The following RORC variants were observed in gnomAD, a reference collection of about 807,000 sequenced individuals.
RORC encodes nuclear receptor ROR-gamma.
RORC carries 13 observed loss-of-function variants against 64.5 expected under a neutral mutation model. The ratio of observed to expected loss-of-function variants is 0.20; its 90% CI spans 0.13 to 0.32. The LOEUF is 0.32. Among genes scored for constraint, RORC ranks in the 10% least tolerant of loss-of-function variants. The pLI, the probability that RORC is intolerant of heterozygous loss-of-function variation, is 1.00. For missense variants in RORC, 468 were observed against 669.5 expected, an observed-to-expected ratio of 0.70 and a Z score of 3.32; for synonymous variants, 277 against 259.3, an observed-to-expected ratio of 1.07 and a Z score of -0.65.
At chr1:151,814,786 C>T in intron 5 of RORC, 91 bp from the exon 6 acceptor site, 4 of 1,545,066 alleles carry the variant, frequency 2.6e-6, no homozygotes, top group South Asian at 2.5e-5. Flanking sequence ...CTATCCTGCT[C>T]CGCCTCCTCC....
At chr1:151,828,957 C>T (rs1384092437) in intron 2 of RORC, among the ~76,000 whole-genome samples, 4 of 145,058 alleles carry the variant, frequency 2.8e-5, no homozygotes, top group South Asian at 2.3e-4. Context: ...CCCGCCCAGG[C>T]GACAGTGTGA....
intron 2 of RORC, among the ~76,000 whole-genome samples, chr1:151,824,171 C>A (rs1652101567): frequency 6.6e-6 from 1 of 152,144 alleles, no homozygotes; most frequent in Non-Finnish European, 1.5e-5. Context: ...GTGGTTGGCA[C>A]TCATTGGGGT....
chr1:151,823,468 C>A (rs1652071525), intron 2 of RORC, among the ~76,000 whole-genome samples: 1 of 152,194 alleles, frequency 6.6e-6, no homozygotes, highest in South Asian at 2.1e-4. Flanking sequence ...TGGCAGGGTG[C>A]TGGTGCCATC....
At chr1:151,817,112 CTG>C (rs151171878) in intron 3 of RORC, 81 bp downstream of exon 3, 24 of 641,322 alleles carry the variant, frequency 3.7e-5, no homozygotes, top group South Asian at 2.8e-4. Context: ...TAAGGAGACA[CTG>C]TGTGTGTGTG....
chr1:151,811,500 G>T, intron 9 of RORC, 66 bp from the exon 10 acceptor site: 2 of 997,794 alleles, frequency 2.0e-6, no homozygotes, highest in Non-Finnish European at 3.1e-6. Flanking sequence ...CCAACAAAAG[G>T]GTGTATCTTT....
chr1:151,826,419 A>C (rs1298359886), intron 2 of RORC, among the ~76,000 whole-genome samples: 1 of 152,098 alleles, frequency 6.6e-6, no homozygotes, highest in Non-Finnish European at 1.5e-5. Context: ...TTGCCAGGTG[A>C]CTTCAGGGAC....
intron 4 of RORC, among the ~76,000 whole-genome samples, chr1:151,815,797 G>A (rs901948984): frequency 2.0e-5 from 3 of 152,208 alleles, no homozygotes; most frequent in Non-Finnish European, 4.4e-5. Context: ...GCCTCTTTGG[G>A]AGGGTCGGAG....
chr1:151,807,578 T>G lies in RORC; in HGVS notation c.1451A>C (p.Gln484Pro). The change falls in exon 11 of 11, where the codon CAG (glutamine) becomes CCG (proline). Residue 484 changes from glutamine (Q) to proline (P), a missense_variant. Transcript: ENST00000318247. This position sits in a 1 kb window ranked among gnomAD's most constrained non-coding sequence, Gnocchi z 5.0. ...SLCSQHVERL[Q>P]IFQHLHPIVV... is the part of the protein sequence containing the mutation. ...GATGGGGTGGAGGTGCTGGAAGATC[T>G]GCAGCCTTTCCACATGCTGGCTACA... The G allele has an allele frequency of 6.2e-7, 1 of 1,614,040 alleles. No individual in the cohort carries two copies.
intron 2 of RORC, among the ~76,000 whole-genome samples, chr1:151,824,223 G>A (rs1652103894): frequency 6.6e-6 from 1 of 152,172 alleles, no homozygotes; most frequent in Non-Finnish European, 1.5e-5. Flanking sequence ...ATGTCCAAGT[G>A]AGAAGGACCA....
At chr1:151,809,294 T>G (rs1181309139) in intron 10 of RORC, among the ~76,000 whole-genome samples, 1 of 152,140 alleles carries the variant, frequency 6.6e-6, no homozygotes, top group Non-Finnish European at 1.5e-5. Flanking sequence ...CTCAGGAGGC[T>G]GAGGCAGGAC....
chr1:151,821,222 C>T (rs982296544), intron 2 of RORC, among the ~76,000 whole-genome samples: 1 of 152,144 alleles, frequency 6.6e-6, no homozygotes, highest in African/African-American at 2.4e-5. Flanking sequence ...GTCCAGGTGC[C>T]CTATGCCACA....
chr1:151,806,611 T>C lies in RORC; in HGVS notation c.*861A>G, dbSNP rs200139425. ...GAGGCCTCTAGGCTCCTCCAAGCTG[T>C]GGCCTCAAGGATAAGAGAGATTGTG... On this transcript the variant is annotated 3_prime_UTR_variant, in exon 11 of 11. Transcript: ENST00000318247. 6.6e-6 allele frequency: 1 copy of C among 152,208 alleles called. No individual in the cohort carries two copies. The highest frequency in any genetic ancestry group is 1.5e-5 in the Non-Finnish European group (1 of 68,062). The allele number at this position is 152,208 out of a possible 1,614,324, so 9.4% of individuals were successfully genotyped here.
rs1207103617 is a variant in RORC, at chr1:151,807,942, T to C, written c.1396-309A>G. Among the ~76,000 whole-genome samples the C allele has an allele frequency of 1.3e-5, 2 of 152,226 alleles. No individual in the cohort carries two copies. Among genetic ancestry groups the C allele is most frequent in the East Asian group, 3.8e-4 (2 of 5,198 alleles). ...CTTCCTGCTTTTATAAGAGTGATTG[T>C]CTGTGACTCTTGTTGTATGCTGTCA... On this transcript the variant is annotated intron_variant, in intron 10 of 10. Coordinates refer to ENST00000318247, the MANE Select transcript of RORC (RefSeq NM_005060.4). The surrounding 1 kb of genome is among the most constrained non-coding windows in gnomAD (Gnocchi z 5.0).
rs1210606925 is a variant in RORC at position 151,809,997 on chromosome 1, G to C, written c.1395+1328C>G. Among the ~76,000 whole-genome samples the C allele has an allele frequency of 2.6e-5, 4 of 152,212 alleles. No individual in the cohort carries two copies. In the East Asian group the frequency reaches 7.7e-4, roughly 29 times the overall value. ...CTAATTTTCAGGCTGATCATCTGGT[G>C]CTCTTCTGCCCCACCAGTCTATCCC... On this transcript the variant is annotated intron_variant, in intron 10 of 10. Coordinates refer to ENST00000318247, the MANE Select transcript of RORC (RefSeq NM_005060.4).
chr1:151,829,445 T>C lies in RORC; in HGVS notation c.54A>G (p.Ala18=). The C allele has an allele frequency of 6.5e-7, 1 of 1,537,344 alleles. No individual in the cohort carries two copies. Among genetic ancestry groups the C allele is most frequent in the South Asian group, 1.3e-5 (1 of 79,226 alleles). ...QHRASRELLA[A]KKTHTSQIEV... is the part of the protein sequence containing the mutation. ...CCTACTCACAGGTGTGGGTCTTCTT[T>C]GCAGCCAGCAGCTCTGTAAAGACAA... is the stretch of plus-strand genomic sequence containing the variant. Residue 18 remains alanine (A), a synonymous_variant, in exon 2 of 11, where the codon GCA becomes GCG. Transcript: ENST00000318247.
At chr1:151,818,775 G>C (rs904430306) in intron 2 of RORC, among the ~76,000 whole-genome samples, 1 of 152,184 alleles carries the variant, frequency 6.6e-6, no homozygotes, top group African/African-American at 2.4e-5. Flanking sequence ...CTCTCTGGAG[G>C]GCGAATGCAC....
chr1:151,816,771 G>T lies in RORC; in HGVS notation c.191C>A (p.Ala64Asp). The change falls in exon 4 of 11, where the codon GCC becomes GAC. Residue 64 changes from alanine to aspartate, a missense_variant. Transcript: ENST00000318247. The stretch of plus-strand genomic sequence containing the variant: ...GTTCTGCTGACGGGTGCAGGAGTAG[G>T]CCGCGTTACAGCGCTGGCTCCGGCG... ...FFRRSQRCNA[A>D]YSCTRQQNCP... 1.3e-6 allele frequency: 2 copies of T among 1,576,206 alleles called. No homozygotes were observed. The highest frequency in any genetic ancestry group is 1.7e-6 in the Non-Finnish European group (2 of 1,157,976).
intron 1 of RORC, chr1:151,831,190 T>C (rs1468625477): frequency 2.6e-6 from 3 of 1,148,596 alleles, no homozygotes; most frequent in Admixed American, 5.4e-5. Context: ...CCAGGCTACG[T>C]GGTCATGGGC....
intron 1 of RORC, among the ~76,000 whole-genome samples, chr1:151,829,856 C>T (rs911875005): frequency 6.6e-6 from 1 of 152,222 alleles, no homozygotes; most frequent in Non-Finnish European, 1.5e-5. Flanking sequence ...CATTTTATTT[C>T]CTGGCACTCA....
Sources: gnomAD v4.1 joint callset for allele counts (sites outside exome capture counted in the v4.1 genomes callset) on GRCh38, gnomAD v4.1.1 for gene constraint, Gnocchi (gnomAD v3.1) non-coding constraint, MANE v1.5 for transcripts, NCBI Gene and HGNC (gene_info 2026-07-23, HGNC 2026-07-21) for gene names.